SIL1: variants seen among roughly 807,000 people sequenced by gnomAD.
SIL1 encodes nucleotide exchange factor SIL1.
SIL1 carries 40 observed loss-of-function variants against 49.1 expected under a neutral mutation model. The observed-to-expected ratio is 0.81, with a 90% CI of 0.63 to 1.06. The LOEUF (loss-of-function observed/expected upper bound fraction) is 1.06, where lower values mean the gene tolerates loss of function less well. Among genes scored for constraint, SIL1 ranks in the 50% least tolerant of loss-of-function variants. The pLI, the probability that SIL1 is intolerant of heterozygous loss-of-function variation, is 0.00. For synonymous variants in SIL1, 253 were observed against 250.8 expected, an observed-to-expected ratio of 1.01 and a Z score of -0.08; for missense variants, 500 against 572.6, an observed-to-expected ratio of 0.87 and a Z score of 1.29.
At chr5:139,020,199 G>A (rs1051264566) in intron 7 of SIL1, among the ~76,000 whole-genome samples, 7 of 152,224 alleles carry the variant, frequency 4.6e-5, no homozygotes, top group Non-Finnish European at 2.9e-5. Context: ...AAGGCCGGCA[G>A]TGCCTCTCCT....
rs1439299117 is a variant in SIL1, at chr5:139,042,712, T to C, written c.361A>G (p.Ile121Val). The C allele has an allele frequency of 3.7e-6, 6 of 1,613,968 alleles. No individual in the cohort carries two copies. Among genetic ancestry groups the C allele is most frequent in the East Asian group, 2.2e-5 (1 of 44,898 alleles). ...TGAGATGTGTAGGTGTTGGTGTTGA[T>C]ATCCAGCCTGTCCAAAGAAAACTGA... ...RNNLKGKRLD[I>V]NTNTYTSQDL... is the part of the protein sequence containing the mutation. The change falls in exon 5 of 10, where the codon ATC (isoleucine) becomes GTC (valine). Residue 121 changes from isoleucine (I) to valine (V), a missense_variant. Ile to Val is a conservative substitution (Grantham distance 29). Coordinates refer to ENST00000394817, the MANE Select transcript of SIL1 (RefSeq NM_022464.5).
At chr5:139,093,040 C>G (rs1561859025) in intron 3 of SIL1, among the ~76,000 whole-genome samples, 2 of 152,180 alleles carry the variant, frequency 1.3e-5, no homozygotes, top group Non-Finnish European at 2.9e-5. Flanking sequence ...ATAGTCCTAG[C>G]TTCCCAACTA....
At chr5:139,023,896 T>C (rs1768586338) in intron 6 of SIL1, among the ~76,000 whole-genome samples, 1 of 152,226 alleles carries the variant, frequency 6.6e-6, no homozygotes, top group Non-Finnish European at 1.5e-5. Flanking sequence ...ATCCAGAACA[T>C]TTCTCTGCCA....
At chr5:139,118,286 C>T (rs981228766) in intron 3 of SIL1, among the ~76,000 whole-genome samples, 2 of 152,210 alleles carry the variant, frequency 1.3e-5, no homozygotes, top group African/African-American at 2.4e-5. Flanking sequence ...CCTACATGCT[C>T]ATGTACCCTC....
Position 138,948,933 on chromosome 5 carries a change from G to A in SIL1, c.1030-1460C>T, listed in dbSNP as rs1277536913. Reference sequence around the variant, plus strand: ...CACAATGTTGTCATGCAACACAAAGGCTCCCGCCAGATGCACCCACCCAAT... The same window carrying A: ...CACAATGTTGTCATGCAACACAAAGACTCCCGCCAGATGCACCCACCCAAT... On this transcript the variant is annotated intron_variant, in intron 9 of 9. Coordinates refer to ENST00000394817, the MANE Select transcript of SIL1 (RefSeq NM_022464.5). The surrounding 1 kb of genome is among the most constrained non-coding windows in gnomAD (Gnocchi z 4.8). 3.9e-5 allele frequency among the ~76,000 whole-genome samples: 6 copies of A among 152,120 alleles called. No homozygotes were observed. In the East Asian group the frequency reaches 1.2e-3, roughly 29 times the overall value.
chr5:139,062,130 C>T (rs1167349957), intron 3 of SIL1, among the ~76,000 whole-genome samples: 1 of 152,126 alleles, frequency 6.6e-6, no homozygotes, highest in East Asian at 1.9e-4. Flanking sequence ...ATCCTGTCTC[C>T]AGGACTTGAA....
At chr5:139,119,536 G>A (rs187493216) in intron 3 of SIL1, among the ~76,000 whole-genome samples, 1 of 152,288 alleles carries the variant, frequency 6.6e-6, no homozygotes, top group East Asian at 1.9e-4. Context: ...TGAGGCAGGT[G>A]GATTGCTCGA....
chr5:138,958,912 C>A (rs1406955018), intron 7 of SIL1, among the ~76,000 whole-genome samples: 1 of 152,120 alleles, frequency 6.6e-6, no homozygotes, highest in East Asian at 1.9e-4. Context: ...CCTATTTCTT[C>A]ATTCATTCAT....
rs556084884 is a variant in SIL1 at position 139,084,934 on chromosome 5, A to T, written c.245-33888T>A. 5.9e-5 allele frequency among the ~76,000 whole-genome samples: 9 copies of T among 152,288 alleles called. No homozygotes were observed. In the East Asian group the frequency reaches 1.7e-3, roughly 29 times the overall value. ...TTCTCTATATACATTTACACTTATC[A>T]CTAATAATTTTTTCTAGAATGGAAT... On this transcript the variant is annotated intron_variant, in intron 3 of 9. Coordinates refer to ENST00000394817, the MANE Select transcript of SIL1 (RefSeq NM_022464.5).
At chr5:139,168,050 T>C (rs1210530002) in intron 1 of SIL1, among the ~76,000 whole-genome samples, 6 of 152,230 alleles carry the variant, frequency 3.9e-5, no homozygotes, top group Admixed American at 3.9e-4. Context: ...TTTAGGTACA[T>C]AAATGCTTAC....
chr5:139,071,965 A>G (rs1370425095), intron 3 of SIL1, among the ~76,000 whole-genome samples: 1 of 152,142 alleles, frequency 6.6e-6, no homozygotes, highest in East Asian at 1.9e-4. Flanking sequence ...GCTCCTGGCA[A>G]GCAAATTTTT....
intron 4 of SIL1, 32 bp downstream of exon 4, chr5:139,050,904 CTT>C (rs745790143): frequency 2.1e-5 from 32 of 1,552,878 alleles, no homozygotes; most frequent in Non-Finnish European, 2.8e-5. Context: ...AACGTTATCA[CTT>C]AGCCTCCCAG....
intron 7 of SIL1, among the ~76,000 whole-genome samples, chr5:138,985,430 C>T (rs772132403): frequency 1.7e-4 from 26 of 152,148 alleles, no homozygotes; most frequent in Non-Finnish European, 3.5e-4. Flanking sequence ...GCCTGACTCA[C>T]GGCAGCTCAA....
chr5:139,090,150 A>AG (rs1460216956), intron 3 of SIL1, among the ~76,000 whole-genome samples: 14 of 152,092 alleles, frequency 9.2e-5, no homozygotes, highest in African/African-American at 3.4e-4. Context: ...ACAACCACTG[A>AG]TGCTTCTCAC....
At chr5:138,961,952 C>T (rs1010860446) in intron 7 of SIL1, among the ~76,000 whole-genome samples, 4 of 119,748 alleles carry the variant, frequency 3.3e-5, no homozygotes, top group South Asian at 5.7e-4. Context: ...GTTCTCTAGA[C>T]TTTTTTTTTT....
intron 7 of SIL1, among the ~76,000 whole-genome samples, chr5:139,011,111 C>T (rs1340071429): frequency 1.3e-5 from 2 of 151,144 alleles, no homozygotes; most frequent in Admixed American, 6.6e-5. Context: ...TAGCAATCAG[C>T]GAGATTCCGT....
At chr5:139,196,655 T>C (rs1414682229) in intron 1 of SIL1, 3 of 152,230 alleles carry the variant, frequency 2.0e-5, no homozygotes, top group Non-Finnish European at 1.5e-5. Flanking sequence ...ACGTCTCTTC[T>C]ATTGCCAATT....
chr5:139,094,395 C>T (rs183189588), intron 3 of SIL1, among the ~76,000 whole-genome samples: 1 of 152,128 alleles, frequency 6.6e-6, no homozygotes, highest in African/African-American at 2.4e-5. Flanking sequence ...AAATCTCTGT[C>T]CACTCAGGGC....
intron 1 of SIL1, among the ~76,000 whole-genome samples, chr5:139,185,357 C>T (rs766204196): frequency 5.9e-5 from 9 of 152,150 alleles, no homozygotes; most frequent in Non-Finnish European, 1.2e-4. Context: ...TTTGTTAATC[C>T]TTCTTAAAGG....
Sources: allele counts gnomAD v4.1 joint callset (sites outside exome capture counted in the v4.1 genomes callset), GRCh38; gene constraint gnomAD v4.1.1; non-coding constraint Gnocchi (gnomAD v3.1); transcripts MANE v1.5; gene names NCBI Gene and HGNC (gene_info 2026-07-23, HGNC 2026-07-21).